The following AGXT2 variants were observed in gnomAD, a reference collection of about 807,000 sequenced individuals.
AGXT2 encodes alanine--glyoxylate aminotransferase 2.
In AGXT2, 61 loss-of-function variants were observed where a neutral mutation model predicts 62.5. That is an observed-to-expected ratio of 0.98 (90% CI 0.79 to 1.21). The LOEUF (loss-of-function observed/expected upper bound fraction) is 1.21. Ranked by LOEUF, AGXT2 falls within the 50% of genes most tolerant of loss-of-function variation. The pLI is 0.00. For missense variants in AGXT2, 666 were observed against 641.5 expected, an observed-to-expected ratio of 1.04 and a Z score of -0.41; for synonymous variants, 243 against 218.7, an observed-to-expected ratio of 1.11 and a Z score of -0.98.
At chr5:35,037,262 T>C (rs999763601) in intron 3 of AGXT2, among the ~76,000 whole-genome samples, 197 bp from the exon 4 acceptor site, 2 of 152,202 alleles carry the variant, frequency 1.3e-5, no homozygotes, top group African/African-American at 4.8e-5. Flanking sequence ...GGTAATGAAT[T>C]CCTCTCCAAG....
rs1381362786 is a variant in AGXT2, at chr5:35,025,872, CAAG to C, written c.871-20_871-18del. 6.2e-7 allele frequency: 1 copy of C among 1,606,944 alleles called. No homozygotes were observed. The highest frequency in any genetic ancestry group is 1.3e-5 in the African/African-American group (1 of 74,724). ...ATTCACACCCTGCAAAAGACCAGAC[CAAG>C]AAGACCTATAATAATAGCATCAGCC... On this transcript the variant is annotated intron_variant, in intron 8 of 13. Transcript: ENST00000231420.
intron 13 of AGXT2, among the ~76,000 whole-genome samples, chr5:35,003,470 C>T (rs551767144): frequency 1.9e-4 from 29 of 152,054 alleles, no homozygotes; most frequent in Non-Finnish European, 3.7e-4. Context: ...GTTAGTTGTC[C>T]GCTTTGACCA....
intron 9 of AGXT2, among the ~76,000 whole-genome samples, chr5:35,020,807 T>C (rs1356024433): frequency 6.6e-6 from 1 of 152,126 alleles, no homozygotes; most frequent in African/African-American, 2.4e-5. Flanking sequence ...ACGACATGAT[T>C]GTATATCTAG....
chr5:35,041,223 C>CGAAAAAGAAA (rs70973023), intron 1 of AGXT2, among the ~76,000 whole-genome samples: 1 of 51,402 alleles, frequency 1.9e-5, no homozygotes, highest in Non-Finnish European at 3.3e-5. Flanking sequence ...CTCCCCCCGC[C>CGAAAAAGAAA]AAAAAAAAAA....
At chr5:35,047,499 T>C (rs912793206) in intron 1 of AGXT2, among the ~76,000 whole-genome samples, 4 of 152,226 alleles carry the variant, frequency 2.6e-5, no homozygotes, top group Admixed American at 6.5e-5. Flanking sequence ...TCACACTCTA[T>C]TTTGATTGCT....
In AGXT2 at chr5:35,013,039, G is replaced by T. The variant is rs536786734; in HGVS notation, c.1103C>A (p.Ala368Asp). 7.1e-6 allele frequency: 11 copies of T among 1,551,620 alleles called. No homozygotes were observed. Among genetic ancestry groups the T allele is most frequent in the Non-Finnish European group, 9.6e-6 (11 of 1,146,918 alleles). ...MAAVITTPEIAKSLAKCLQHF... is the reference protein window; with the variant it reads ...MAAVITTPEIDKSLAKCLQHF... ...CTGCAGGCATTTCGCCAAAGATTTG[G>T]CAATCTCTAGAGGGAGAAAATAGAA... The change falls in exon 11 of 14, where the codon GCC (alanine) becomes GAC (aspartate). Residue 368 changes from alanine to aspartate, a missense_variant. Coordinates refer to ENST00000231420, the MANE Select transcript of AGXT2 (RefSeq NM_031900.4).
chr5:35,024,665 A>C (rs963330703), intron 9 of AGXT2, among the ~76,000 whole-genome samples: 1 of 152,158 alleles, frequency 6.6e-6, no homozygotes, highest in South Asian at 2.1e-4. Flanking sequence ...GATTATTATT[A>C]TTATTTTAAA....
chr5:34,998,229 C>A lies in AGXT2; in HGVS notation c.*490G>T. ...GCTTCCATCCATCTTCCAACCTCAC[C>A]AAAAAGGGTTGTCCTCATGACTACA... On this transcript the variant is annotated 3_prime_UTR_variant, in exon 14 of 14. Coordinates refer to ENST00000231420, the MANE Select transcript of AGXT2 (RefSeq NM_031900.4). 5.7e-6 allele frequency: 1 copy of A among 176,222 alleles called. No homozygotes were observed. Among genetic ancestry groups the A allele is most frequent in the Non-Finnish European group, 1.2e-5 (1 of 81,804 alleles). The allele number at this position is 176,222 out of a possible 1,614,324, so 10.9% of individuals were successfully genotyped here.
intron 11 of AGXT2, among the ~76,000 whole-genome samples, chr5:35,010,537 T>C (rs1220200080): frequency 6.6e-6 from 1 of 151,538 alleles, no homozygotes; most frequent in Admixed American, 6.6e-5. Context: ...ATACAAAAAT[T>C]AGCAGGGCTC....
Position 35,026,391 on chromosome 5 carries a change from C to G in AGXT2, c.870+19G>C. 1 of 1,597,920 alleles carries G rather than the reference C, an allele frequency of 6.3e-7. No homozygotes were observed. Among genetic ancestry groups the G allele is most frequent in the Non-Finnish European group, 8.6e-7 (1 of 1,165,354 alleles). ...ATTGAAGATTCAGCTCCATTAATGT[C>G]TAAGGTTCATATACCCACTTGAATA... On this transcript the variant is annotated intron_variant, in intron 8 of 13. Transcript: ENST00000231420.
intron 9 of AGXT2, among the ~76,000 whole-genome samples, chr5:35,023,929 C>T (rs1222679069): frequency 2.6e-5 from 4 of 151,422 alleles, no homozygotes; most frequent in South Asian, 2.1e-4. Context: ...AGTTTTGCTC[C>T]GTTGCCCAGG....
At chr5:35,033,276 T>G (rs751009813) in intron 6 of AGXT2, 184 bp downstream of exon 6, 3 of 613,708 alleles carry the variant, frequency 4.9e-6, no homozygotes, top group Non-Finnish European at 8.8e-6. Flanking sequence ...TAATTATTAC[T>G]CAGACTCGGA....
At chr5:35,044,885 GC>G (rs2112301334) in intron 1 of AGXT2, among the ~76,000 whole-genome samples, 1 of 151,022 alleles carries the variant, frequency 6.6e-6, no homozygotes, top group Non-Finnish European at 1.5e-5. Flanking sequence ...TAGATGGGAG[GC>G]CCCCCTTTAG....
At chr5:35,042,075 C>T (rs891534866) in intron 1 of AGXT2, among the ~76,000 whole-genome samples, 5 of 152,168 alleles carry the variant, frequency 3.3e-5, no homozygotes, top group Non-Finnish European at 5.9e-5. Flanking sequence ...AAAATCCTTT[C>T]GTTTCTTCAG....
chr5:35,044,435 G>C (rs1768108012), intron 1 of AGXT2, among the ~76,000 whole-genome samples: 1 of 152,210 alleles, frequency 6.6e-6, no homozygotes, highest in Non-Finnish European at 1.5e-5. Context: ...ATCTCTCACA[G>C]CCTTCTCTGT....
chr5:35,039,226 A>T, intron 3 of AGXT2, 98 bp downstream of exon 3: 1 of 1,387,698 alleles, frequency 7.2e-7, no homozygotes, highest in Non-Finnish European at 1.0e-6. Context: ...AGATATTTTT[A>T]AACCAAGATA....
chr5:35,014,241 C>T, intron 9 of AGXT2, 122 bp from the exon 10 acceptor site: 1 of 1,357,548 alleles, frequency 7.4e-7, no homozygotes, highest in Non-Finnish European at 1.0e-6. Context: ...ATCATGAGGT[C>T]AGGAGTTCAA....
intron 9 of AGXT2, among the ~76,000 whole-genome samples, chr5:35,023,960 C>G (rs1311184926): frequency 6.6e-6 from 1 of 151,966 alleles, no homozygotes; most frequent in Non-Finnish European, 1.5e-5. Context: ...ATGGCATGAT[C>G]TTGGCTCATT....
intron 1 of AGXT2, among the ~76,000 whole-genome samples, chr5:35,045,768 T>TC (rs199658955): frequency 0.051 from 1,922 of 38,028 alleles, 48 homozygotes; most frequent in African/African-American, 0.11. Context: ...TTTTTTCTTT[T>TC]TTTTTTTTTT....
Sources: allele counts gnomAD v4.1 joint callset (sites outside exome capture counted in the v4.1 genomes callset), GRCh38; gene constraint gnomAD v4.1.1; transcripts MANE v1.5; gene names NCBI Gene and HGNC (gene_info 2026-07-23, HGNC 2026-07-21).